The following KANSL1L variants were observed in gnomAD, a reference collection of about 807,000 sequenced individuals.
KANSL1L encodes the protein KAT8 regulatory NSL complex subunit 1 like, also known as KAT8 regulatory NSL complex subunit 1-like protein.
In KANSL1L, 25 loss-of-function variants were observed where a neutral mutation model predicts 108.6. The ratio of observed to expected loss-of-function variants is 0.23; its 90% confidence interval spans 0.17 to 0.32. The LOEUF is 0.32. KANSL1L is among the 10% of genes least tolerant of loss of function. The pLI is 1.00. For synonymous variants in KANSL1L, 405 were observed against 395.1 expected (o/e 1.03, Z -0.30); for missense variants, 1,137 against 1,125.7 (o/e 1.01, Z -0.14).
intron 3 of KANSL1L, among the ~76,000 whole-genome samples, chr2:210,121,331 T>A (rs1344070073): frequency 6.6e-6 from 1 of 152,164 alleles, no homozygotes; most frequent in Non-Finnish European, 1.5e-5. Context: ...AACAATGAGA[T>A]CATGTCCTTT....
At chr2:210,041,271 A>G (rs1295969960) in intron 7 of KANSL1L, among the ~76,000 whole-genome samples, 2 of 152,186 alleles carry the variant, frequency 1.3e-5, no homozygotes, top group Non-Finnish European at 2.9e-5. Flanking sequence ...AAACAAAATC[A>G]TCTTAAAAAG....
At chr2:210,078,258 T>C (rs373839331) in intron 5 of KANSL1L, among the ~76,000 whole-genome samples, 7 of 152,234 alleles carry the variant, frequency 4.6e-5, no homozygotes, top group African/African-American at 1.7e-4. Flanking sequence ...AGCTTCATTA[T>C]AATCTTATGG....
intron 8 of KANSL1L, among the ~76,000 whole-genome samples, chr2:210,039,999 T>C (rs764271095): frequency 6.6e-6 from 1 of 151,822 alleles, no homozygotes; most frequent in Non-Finnish European, 1.5e-5. Context: ...CTCTAAACTT[T>C]TTATAATAAT....
At chr2:210,046,399 C>T (rs965270401) in intron 6 of KANSL1L, among the ~76,000 whole-genome samples, 3 of 152,092 alleles carry the variant, frequency 2.0e-5, no homozygotes, top group Admixed American at 1.3e-4. Context: ...ATGGGTGAGA[C>T]TCAAGGTGTA....
At chr2:210,148,472 C>T (rs1559602794) in intron 2 of KANSL1L, among the ~76,000 whole-genome samples, 1 of 152,158 alleles carries the variant, frequency 6.6e-6, no homozygotes. Flanking sequence ...TGGGCTCCTT[C>T]ACCAAATAAA....
chr2:210,155,538 C>T (rs1352834646), intron 1 of KANSL1L, among the ~76,000 whole-genome samples: 2 of 152,170 alleles, frequency 1.3e-5, no homozygotes, highest in African/African-American at 4.8e-5. Flanking sequence ...GCAATTTTAC[C>T]CTTTTCACAA....
chr2:210,071,880 G>T (rs1417656830), intron 6 of KANSL1L, among the ~76,000 whole-genome samples: 2 of 151,876 alleles, frequency 1.3e-5, no homozygotes, highest in Non-Finnish European at 2.9e-5. Context: ...CTCTCTTTTT[G>T]GTTGCACATG....
At chr2:210,047,661 C>G (rs1484140731) in intron 6 of KANSL1L, among the ~76,000 whole-genome samples, 1 of 152,182 alleles carries the variant, frequency 6.6e-6, no homozygotes, top group African/African-American at 2.4e-5. Context: ...TTTTTCCCAT[C>G]TAAATCCAGT....
chr2:210,075,618 C>A lies in KANSL1L; in HGVS notation c.1689G>T (p.Arg563Ser). The change falls in exon 6 of 15, where the codon AGG (arginine) becomes AGT (serine). Residue 563 changes from arginine (R) to serine (S), a missense_variant. By Grantham distance (110) the Arg-to-Ser change is moderately radical. This residue lies in a region of KANSL1L where 575 missense variants were observed against 567.1 expected (regional missense o/e 1.01). Coordinates refer to ENST00000281772, the MANE Select transcript of KANSL1L (RefSeq NM_152519.4). Reference protein sequence around the residue: ...LTFMSTSARTRPLQSFHKRKL... With the variant: ...LTFMSTSARTSPLQSFHKRKL... ...TTCGTTTGTGGAAACTCTGAAGTGGCCTTGTTCGGGCTGATGTACTCATGA... is the reference window on the plus strand; with the variant it reads ...TTCGTTTGTGGAAACTCTGAAGTGGACTTGTTCGGGCTGATGTACTCATGA... 2 of 1,614,008 alleles carry A rather than the reference C, an allele frequency of 1.2e-6. No homozygotes were observed. The highest frequency in any genetic ancestry group is 8.5e-7 in the Non-Finnish European group (1 of 1,179,938).
At chr2:210,045,621 T>G (rs964125440) in intron 6 of KANSL1L, among the ~76,000 whole-genome samples, 14 of 152,366 alleles carry the variant, frequency 9.2e-5, no homozygotes, top group Admixed American at 9.2e-4. Flanking sequence ...CCTTTGCTAC[T>G]ATCATAGTGT....
chr2:210,134,427 A>G (rs1214963163), intron 2 of KANSL1L, among the ~76,000 whole-genome samples: 2 of 151,970 alleles, frequency 1.3e-5, no homozygotes, highest in Non-Finnish European at 2.9e-5. Flanking sequence ...ATGTGCACAT[A>G]CATACACACA....
At position 210,145,724 on chromosome 2, in the gene KANSL1L, T is replaced by C. The variant is rs182974199; in HGVS notation, c.1088+7771A>G. On this transcript the variant is annotated intron_variant, in intron 2 of 14. Transcript: ENST00000281772. ...ATGTCAGATGTCTGAGGCACAGATGTTGAAAGAGTAGCAATGCAGCCAATG... is the reference window on the plus strand; with the variant it reads ...ATGTCAGATGTCTGAGGCACAGATGCTGAAAGAGTAGCAATGCAGCCAATG... 2.3e-3 allele frequency among the ~76,000 whole-genome samples: 352 copies of C among 152,306 alleles called. 4 individuals are homozygous for C. The highest frequency in any genetic ancestry group is 2.1e-3 in the Non-Finnish European group (143 of 68,028).
At chr2:210,155,586 GAAA>G (rs1351100471) in intron 1 of KANSL1L, among the ~76,000 whole-genome samples, 5 of 152,228 alleles carry the variant, frequency 3.3e-5, no homozygotes, top group Non-Finnish European at 5.9e-5. Flanking sequence ...CTCCTGCCTA[GAAA>G]ATAGCGGAGA....
intron 7 of KANSL1L, among the ~76,000 whole-genome samples, chr2:210,042,079 C>CT (rs1303459432): frequency 1.3e-5 from 2 of 152,148 alleles, no homozygotes; most frequent in Non-Finnish European, 2.9e-5. Flanking sequence ...AGGAGAGTAT[C>CT]ACCAATTCTA....
rs1416973563 is a variant in KANSL1L at position 210,040,537 on chromosome 2, T to A, written c.1922-10A>T. 1 of 1,327,418 alleles carries A rather than the reference T, an allele frequency of 7.5e-7. No homozygotes were observed. Among genetic ancestry groups the A allele is most frequent in the Non-Finnish European group, 1.0e-6 (1 of 958,958 alleles). The allele number at this position is 1,327,418 out of a possible 1,614,324, so 82.2% of individuals were successfully genotyped here. ...AAATGAAGAGGCACATCTGGAAAAATAAAATAAAAAAGGTATTTTCAAATA... is the reference window on the plus strand; with the variant it reads ...AAATGAAGAGGCACATCTGGAAAAAAAAAATAAAAAAGGTATTTTCAAATA... On this transcript the variant is annotated splice_polypyrimidine_tract_variant and intron_variant, in intron 7 of 14. Coordinates refer to ENST00000281772, the MANE Select transcript of KANSL1L (RefSeq NM_152519.4).
chr2:210,118,924 C>T (rs2094985648), intron 3 of KANSL1L, among the ~76,000 whole-genome samples: 1 of 151,682 alleles, frequency 6.6e-6, no homozygotes, highest in African/African-American at 2.4e-5. Flanking sequence ...AATCCCAACA[C>T]TTAGGGAGGA....
intron 2 of KANSL1L, among the ~76,000 whole-genome samples, chr2:210,149,306 T>C (rs2095286288): frequency 6.6e-6 from 1 of 152,132 alleles, no homozygotes; most frequent in Non-Finnish European, 1.5e-5. Flanking sequence ...TACTAGCCTA[T>C]ACGATAAAAG....
Position 210,025,216 on chromosome 2 carries a change from T to C in KANSL1L, c.2452A>G (p.Ile818Val). ...AAGACTTCATCAGAAAGATCTTCTA[T>C]CTGGAATTAGAAATAAAGATTTTTG... ...LDEYNLGKEE[I>V]EDLSDEVFSL... is the part of the protein sequence containing the mutation. The change falls in exon 13 of 15, where the codon ATA becomes GTA. Residue 818 changes from isoleucine (I) to valine (V), a missense_variant and splice_region_variant. Around this residue, in one of 3 missense-constraint regions of KANSL1L, gnomAD observed 575 missense variants for 567.1 expected, o/e 1.01. Transcript: ENST00000281772. 1 of 1,499,160 alleles carries C rather than the reference T, an allele frequency of 6.7e-7. No individual in the cohort carries two copies. 92.9% of individuals were successfully genotyped at this position (1,499,160 alleles called of 1,614,324 possible).
In KANSL1L at chr2:210,022,858, T is replaced by C; in HGVS notation, c.*91A>G. 1.2e-6 allele frequency: 1 copy of C among 836,226 alleles called. No individual in the cohort carries two copies. The highest frequency in any genetic ancestry group is 1.9e-6 in the Non-Finnish European group (1 of 512,852). 51.8% of individuals were successfully genotyped at this position (836,226 alleles called of 1,614,324 possible). On this transcript the variant is annotated 3_prime_UTR_variant, in exon 15 of 15. Transcript: ENST00000281772. ...AAAGATTAATACATGCAGAACATGCTCTTATTCTGGAGGGGATGGGGGATC... is the reference window on the plus strand; with the variant it reads ...AAAGATTAATACATGCAGAACATGCCCTTATTCTGGAGGGGATGGGGGATC...
Sources: gnomAD v4.1 joint callset for allele counts (sites outside exome capture counted in the v4.1 genomes callset) on GRCh38, gnomAD v4.1.1 for gene constraint, gnomAD v4.1.1 regional missense constraint, MANE v1.5 for transcripts, NCBI Gene and HGNC (gene_info 2026-07-23, HGNC 2026-07-21) for gene names.